Variants in KCNG3 observed in about 807,000 individuals in gnomAD.
KCNG3 encodes the protein potassium voltage-gated channel modifier subfamily G member 3.
Under a neutral mutation model 29.0 loss-of-function variants are expected in KCNG3, and 15 were observed. That is an observed-to-expected ratio of 0.52 (90% CI 0.35 to 0.80). The LOEUF is 0.80. KCNG3 is among the 30% of genes least tolerant of loss of function. KCNG3 has a pLI of 0.01. For synonymous variants in KCNG3, 322 were observed against 248.9 expected (o/e 1.29, Z -2.76); for missense variants, 512 against 605.7 (o/e 0.85, Z 1.62).
the KCNG3 span, among the ~76,000 whole-genome samples, chr2:42,425,568 CA>C: frequency 1.3e-5 from 2 of 151,880 alleles, no homozygotes; most frequent in Non-Finnish European, 2.9e-5. Flanking sequence ...ATCTTTGAAA[CA>C]GAGAACATAC....
At chr2:42,437,032 G>C (rs192055994), downstream of KCNG3, among the ~76,000 whole-genome samples, 417 of 152,220 alleles carry the variant, frequency 2.7e-3, 3 homozygotes, top group South Asian at 5.0e-3. Flanking sequence ...CTACCATTAG[G>C]TAAAATATGA....
At chr2:42,462,858 T>C (rs1673051370) in intron 1 of KCNG3, among the ~76,000 whole-genome samples, 1 of 152,106 alleles carries the variant, frequency 6.6e-6, no homozygotes, top group Non-Finnish European at 1.5e-5. Context: ...TACATAATCA[T>C]CTTCCACTTG....
intron 1 of KCNG3, among the ~76,000 whole-genome samples, chr2:42,486,113 G>A (rs1319350627): frequency 6.6e-6 from 1 of 152,154 alleles, no homozygotes; most frequent in Non-Finnish European, 1.5e-5. Context: ...ATCCCCAAAT[G>A]GGAAGCAGAT....
At chr2:42,395,088 G>A in the KCNG3 span, among the ~76,000 whole-genome samples, 1 of 152,172 alleles carries the variant, frequency 6.6e-6, no homozygotes, top group Non-Finnish European at 1.5e-5. Flanking sequence ...AATAACTGAA[G>A]CTGGTGGACT....
chr2:42,399,869 C>G, the KCNG3 span, among the ~76,000 whole-genome samples: 5 of 152,168 alleles, frequency 3.3e-5, no homozygotes, highest in Admixed American at 2.6e-4. Flanking sequence ...GGACCAGGGT[C>G]TGACTCCTGC....
intron 1 of KCNG3, among the ~76,000 whole-genome samples, chr2:42,468,952 T>C (rs1572854575): frequency 5.1e-5 from 2 of 39,024 alleles, no homozygotes; most frequent in Non-Finnish European, 8.2e-5. Flanking sequence ...AGACTCCGTC[T>C]CCAAAAAAAA....
At chr2:42,480,888 T>C (rs1026285602) in intron 1 of KCNG3, among the ~76,000 whole-genome samples, 7 of 152,018 alleles carry the variant, frequency 4.6e-5, no homozygotes, top group African/African-American at 1.7e-4. Context: ...TCAAGCAATT[T>C]TTGTGCCTCA....
intron 1 of KCNG3, among the ~76,000 whole-genome samples, chr2:42,472,813 G>A (rs1029556225): frequency 6.2e-5 from 9 of 145,322 alleles, no homozygotes; most frequent in Admixed American, 2.1e-4. Context: ...TACATATATC[G>A]ATATATCTAG....
At chr2:42,389,288 A>C in the KCNG3 span, among the ~76,000 whole-genome samples, 3 of 152,182 alleles carry the variant, frequency 2.0e-5, no homozygotes, top group Non-Finnish European at 2.9e-5. Context: ...ACATCATCAA[A>C]CATTTCCCCA....
rs2103661136 is a variant in KCNG3, at chr2:42,444,786, G to T, written c.666-207C>A. 6.6e-6 allele frequency among the ~76,000 whole-genome samples: 1 copy of T among 152,158 alleles called. No homozygotes were observed. The highest frequency in any genetic ancestry group is 2.1e-4 in the South Asian group (1 of 4,804). ...CAATTCAGATGAAAATTGAGACCAG[G>T]TGCAGTGGCTCATGCATGTAATCCC... On this transcript the variant is annotated intron_variant, in intron 1 of 1. Transcript: ENST00000306078. The surrounding 1 kb of genome is among the most constrained non-coding windows in gnomAD (Gnocchi z 5.8).
At chr2:42,434,405 G>A in the KCNG3 span, among the ~76,000 whole-genome samples, 1 of 123,782 alleles carries the variant, frequency 8.1e-6, no homozygotes, top group African/African-American at 3.1e-5. Context: ...GTTGCAATGA[G>A]GAGTGATCAG....
chr2:42,433,611 C>T, the KCNG3 span, among the ~76,000 whole-genome samples: 60 of 152,058 alleles, frequency 3.9e-4, no homozygotes, highest in Non-Finnish European at 7.8e-4. Context: ...TGGTAGCGCA[C>T]CCCTGTAATC....
intron 1 of KCNG3, among the ~76,000 whole-genome samples, chr2:42,447,644 T>A (rs867667358): frequency 5.3e-5 from 8 of 152,230 alleles, no homozygotes; most frequent in South Asian, 2.1e-4. Flanking sequence ...GGCTCCCAAG[T>A]AGCTGGGACT....
chr2:42,470,469 C>T (rs1673259547), intron 1 of KCNG3, among the ~76,000 whole-genome samples: 1 of 152,140 alleles, frequency 6.6e-6, no homozygotes, highest in South Asian at 2.1e-4. Flanking sequence ...CAAGACCAGC[C>T]TGTGCAACAT....
At chr2:42,478,181 A>G (rs1673487740) in intron 1 of KCNG3, among the ~76,000 whole-genome samples, 1 of 152,138 alleles carries the variant, frequency 6.6e-6, no homozygotes, top group African/African-American at 2.4e-5. Flanking sequence ...TGAGGATCTA[A>G]AGGAGCTTTT....
At chr2:42,433,000 T>G in the KCNG3 span, among the ~76,000 whole-genome samples, 1 of 147,790 alleles carries the variant, frequency 6.8e-6, no homozygotes, top group African/African-American at 2.5e-5. Flanking sequence ...GGATAGTTCC[T>G]CAACCAAGTA....
intron 1 of KCNG3, among the ~76,000 whole-genome samples, chr2:42,486,755 T>A (rs540264616): frequency 6.6e-6 from 1 of 152,214 alleles, no homozygotes; most frequent in Non-Finnish European, 1.5e-5. Flanking sequence ...CACCACTAAC[T>A]GCCCAGCTCC....
the KCNG3 span, among the ~76,000 whole-genome samples, chr2:42,400,890 A>G: frequency 1.3e-5 from 2 of 152,070 alleles, no homozygotes; most frequent in Non-Finnish European, 2.9e-5. Context: ...TTCACCAGTG[A>G]TGCTTGTCCA....
intron 1 of KCNG3, among the ~76,000 whole-genome samples, chr2:42,464,235 C>G (rs532642924): frequency 6.6e-6 from 1 of 152,160 alleles, no homozygotes; most frequent in Admixed American, 6.5e-5. Context: ...GATACTTCTA[C>G]GCACACAAAG....
Sources: gnomAD v4.1 joint callset for allele counts (sites outside exome capture counted in the v4.1 genomes callset) on GRCh38, gnomAD v4.1.1 for gene constraint, Gnocchi (gnomAD v3.1) non-coding constraint, MANE v1.5 for transcripts, NCBI Gene and HGNC (gene_info 2026-07-23, HGNC 2026-07-21) for gene names.